The following REEP1 variants were observed in gnomAD, a reference collection of about 807,000 sequenced individuals.
REEP1 encodes the protein receptor expression-enhancing protein 1.
A neutral mutation model predicts 40.3 loss-of-function variants in REEP1; 22 were observed. The observed-to-expected ratio is 0.55, with a 90% confidence interval of 0.39 to 0.78. The LOEUF is 0.78. REEP1 is among the 30% of genes least tolerant of loss of function. REEP1 has a pLI of 0.00. For missense variants in REEP1, 280 were observed against 361.1 expected (o/e 0.78, Z 1.82); for synonymous variants, 116 against 139.2 (o/e 0.83, Z 1.17).
rs976540352 is a variant in REEP1 at position 86,216,919 on chromosome 2, T to C, written c.*120A>G. On this transcript the variant is annotated 3_prime_UTR_variant, in exon 9 of 9. Coordinates refer to ENST00000538924, the MANE Select transcript of REEP1 (RefSeq NM_001371279.1). Reference sequence around the variant, plus strand: ...GTGGAAGGGGAGAGAGAAAAGGCCATGTTTGTGAGGCTGCACACTCAAAGC... The same window carrying C: ...GTGGAAGGGGAGAGAGAAAAGGCCACGTTTGTGAGGCTGCACACTCAAAGC... 2 of 761,512 alleles carry C rather than the reference T, an allele frequency of 2.6e-6. No homozygotes were observed. Among genetic ancestry groups the C allele is most frequent in the Admixed American group, 4.5e-5 (2 of 44,106 alleles). 47.2% of individuals were successfully genotyped at this position (761,512 alleles called of 1,614,324 possible). A position where few individuals can be genotyped will look rare whatever the true frequency, so the allele number is the denominator to read the frequency against.
intron 5 of REEP1, among the ~76,000 whole-genome samples, chr2:86,245,250 T>C (rs572026729): frequency 6.6e-6 from 1 of 152,282 alleles, no homozygotes; most frequent in East Asian, 1.9e-4. Context: ...CACAAAAATA[T>C]GGGACAATAA....
At chr2:86,227,142 A>C (rs2104008765) in intron 7 of REEP1, among the ~76,000 whole-genome samples, 1 of 152,294 alleles carries the variant, frequency 6.6e-6, no homozygotes, top group African/African-American at 2.4e-5. Flanking sequence ...CAGCCTCTTG[A>C]GAGACCCTGA....
chr2:86,301,805 C>T, intron 1 of REEP1, among the ~76,000 whole-genome samples: 1 of 152,208 alleles, frequency 6.6e-6, no homozygotes. Flanking sequence ...CTTAACACTT[C>T]AACAGATGCA....
chr2:86,283,165 T>C (rs6725234), intron 1 of REEP1, among the ~76,000 whole-genome samples: 74,263 of 151,688 alleles, frequency 0.49, 18,251 homozygotes, highest in East Asian at 0.64. Flanking sequence ...TTGTGTAATG[T>C]TTTGATTGAC....
chr2:86,238,256 T>C (rs1675470283), intron 5 of REEP1, among the ~76,000 whole-genome samples: 1 of 152,234 alleles, frequency 6.6e-6, no homozygotes, highest in African/African-American at 2.4e-5. Flanking sequence ...ATTGGCAATA[T>C]TATCTTTCTT....
intron 2 of REEP1, among the ~76,000 whole-genome samples, chr2:86,270,068 C>T (rs1327140209): frequency 6.6e-6 from 1 of 152,128 alleles, no homozygotes; most frequent in Admixed American, 6.5e-5. Flanking sequence ...TATACAGCAA[C>T]TTATTAACAA....
chr2:86,317,877 T>C (rs1573043005), intron 1 of REEP1, among the ~76,000 whole-genome samples: 1 of 152,210 alleles, frequency 6.6e-6, no homozygotes, highest in East Asian at 1.9e-4. Context: ...TCCGCTTTTT[T>C]TCATGGAACA....
At chr2:86,314,436 T>C (rs1416114272) in intron 1 of REEP1, among the ~76,000 whole-genome samples, 1 of 151,882 alleles carries the variant, frequency 6.6e-6, no homozygotes, top group Non-Finnish European at 1.5e-5. Flanking sequence ...GATCCCAGCC[T>C]CTCTTGAGCT....
chr2:86,333,219 G>A (rs772528257), intron 1 of REEP1, among the ~76,000 whole-genome samples: 66 of 152,262 alleles, frequency 4.3e-4, no homozygotes, highest in Non-Finnish European at 1.8e-4. Flanking sequence ...AAGGATTTAC[G>A]ATATTTTCTT....
intron 5 of REEP1, among the ~76,000 whole-genome samples, chr2:86,241,213 G>A (rs1675649170): frequency 6.6e-6 from 1 of 152,236 alleles, no homozygotes; most frequent in African/African-American, 2.4e-5. Flanking sequence ...CAGAGGCAAA[G>A]GCCCTGCTGG....
At chr2:86,250,143 G>A (rs971840450) in intron 5 of REEP1, among the ~76,000 whole-genome samples, 7 of 152,182 alleles carry the variant, frequency 4.6e-5, no homozygotes, top group African/African-American at 1.7e-4. Context: ...GGAAGACTCT[G>A]GAGGCTCCAT....
chr2:86,219,593 G>A (rs1019449418), intron 8 of REEP1, among the ~76,000 whole-genome samples: 4 of 151,762 alleles, frequency 2.6e-5, no homozygotes, highest in Non-Finnish European at 4.4e-5. Context: ...CTACAGGTGC[G>A]CGCCACTACA....
upstream of REEP1, chr2:86,337,969 G>A: frequency 4.1e-6 from 6 of 1,466,746 alleles, no homozygotes; most frequent in Non-Finnish European, 5.5e-6. The surrounding 1 kb of genome is among the most constrained non-coding windows in gnomAD (Gnocchi z 5.8). Flanking sequence ...ACCTGTCTAG[G>A]TGGGATGCTG....
intron 1 of REEP1, among the ~76,000 whole-genome samples, chr2:86,306,806 G>A (rs1384084380): frequency 6.6e-6 from 1 of 151,570 alleles, no homozygotes; most frequent in African/African-American, 2.4e-5. Context: ...ATGGTAGGGG[G>A]AATAAATCAG....
chr2:86,254,789 T>C lies in REEP1; in HGVS notation c.208A>G (p.Ile70Val). Reference sequence around the variant, plus strand: ...GACAGCAGCCAGGCTACAAATGCTATTTTTAGTTCATAATAGAATGGAAAC... The same window carrying C: ...GACAGCAGCCAGGCTACAAATGCTACTTTTAGTTCATAATAGAATGGAAAC... ...CWFPFYYELK[I>V]AFVAWLLSPY... is the part of the protein sequence containing the mutation. The change falls in exon 4 of 9, where the codon ATA (isoleucine) becomes GTA (valine). Residue 70 changes from isoleucine to valine, a missense_variant. Ile to Val is a conservative substitution (Grantham distance 29, BLOSUM62 3). Coordinates refer to ENST00000538924, the MANE Select transcript of REEP1 (RefSeq NM_001371279.1). 6.2e-7 allele frequency: 1 copy of C among 1,614,068 alleles called. No individual in the cohort carries two copies. The highest frequency in any genetic ancestry group is 1.1e-5 in the South Asian group (1 of 91,082).
intron 2 of REEP1, among the ~76,000 whole-genome samples, chr2:86,277,865 A>G (rs1287387474): frequency 2.6e-5 from 4 of 152,348 alleles, no homozygotes; most frequent in African/African-American, 4.8e-5. Context: ...TTACAACTTT[A>G]TAAGTTAAAA....
intron 1 of REEP1, among the ~76,000 whole-genome samples, chr2:86,295,234 G>A (rs773572689): frequency 6.6e-6 from 1 of 152,126 alleles, no homozygotes; most frequent in Non-Finnish European, 1.5e-5. Flanking sequence ...CTCCCGAGTT[G>A]GCCAACCTGG....
chr2:86,222,607 G>A (rs1674487570), intron 7 of REEP1, among the ~76,000 whole-genome samples: 1 of 152,186 alleles, frequency 6.6e-6, no homozygotes, highest in African/African-American at 2.4e-5. Context: ...TCTTTGCAGT[G>A]GTTTCAAGGA....
intron 7 of REEP1, among the ~76,000 whole-genome samples, chr2:86,221,205 G>A (rs1240059148): frequency 6.6e-6 from 1 of 152,092 alleles, no homozygotes; most frequent in Non-Finnish European, 1.5e-5. Context: ...CAGGCGTGGA[G>A]TAAAAAAACA....
Sources: gnomAD v4.1 joint callset for allele counts (sites outside exome capture counted in the v4.1 genomes callset) on GRCh38, gnomAD v4.1.1 for gene constraint, Gnocchi (gnomAD v3.1) non-coding constraint, MANE v1.5 for transcripts, NCBI Gene and HGNC (gene_info 2026-07-23, HGNC 2026-07-21) for gene names.